The following NCAPD3 variants were observed in gnomAD, a reference collection of about 807,000 sequenced individuals.
NCAPD3 encodes the protein condensin-2 complex subunit D3.
NCAPD3 carries 105 observed loss-of-function variants against 182.9 expected under a neutral mutation model. The ratio of observed to expected loss-of-function variants is 0.57; its 90% CI spans 0.49 to 0.68. NCAPD3 has a LOEUF of 0.68. Among genes scored for constraint, NCAPD3 ranks in the 30% least tolerant of loss-of-function variants. NCAPD3 has a pLI of 0.00. For synonymous variants in NCAPD3, 815 were observed against 679.9 expected (o/e 1.20, Z -3.09); for missense variants, 1,944 against 1,837.0 (o/e 1.06, Z -1.07).
chr11:134,223,832 G>A (rs745871020), intron 1 of NCAPD3, 31 bp downstream of exon 1: 15 of 1,606,530 alleles, frequency 9.3e-6, no homozygotes, highest in African/African-American at 2.7e-5. Flanking sequence ...CCTCGCCCTG[G>A]CCCCCGGGCC....
intron 16 of NCAPD3, among the ~76,000 whole-genome samples, chr11:134,187,313 T>G (rs1223751513): frequency 6.6e-6 from 1 of 152,216 alleles, no homozygotes; most frequent in Non-Finnish European, 1.5e-5. Flanking sequence ...AATAACTAAT[T>G]GCTGATTTGA....
At chr11:134,178,527 C>G in intron 22 of NCAPD3, 107 bp downstream of exon 22, 1 of 839,836 alleles carries the variant, frequency 1.2e-6, no homozygotes, top group Non-Finnish European at 1.8e-6. Flanking sequence ...TGAGAGCAGA[C>G]ACAGACAGGC....
intron 23 of NCAPD3, among the ~76,000 whole-genome samples, chr11:134,176,641 T>C (rs923368069): frequency 1.3e-5 from 2 of 152,124 alleles, no homozygotes; most frequent in Non-Finnish European, 2.9e-5. Context: ...TATAATACGG[T>C]TCGTAATACA....
chr11:134,157,225 G>C (rs1943447223), intron 31 of NCAPD3, 130 bp from the exon 32 acceptor site: 1 of 620,970 alleles, frequency 1.6e-6, no homozygotes, highest in Middle Eastern at 2.6e-4. Flanking sequence ...TTCTTATAAA[G>C]AGGCAATTCA....
intron 6 of NCAPD3, 95 bp downstream of exon 6, chr11:134,209,050 G>T: frequency 6.9e-7 from 1 of 1,453,614 alleles, no homozygotes; most frequent in Non-Finnish European, 9.6e-7. Context: ...TTCTACCTGT[G>T]TGCCAATTGG....
rs1256522047 is a variant in NCAPD3, at chr11:134,151,118, C to G, written c.*1826G>C. The G allele has an allele frequency of 1.3e-5, 2 of 152,386 alleles. No individual in the cohort carries two copies. The highest frequency in any genetic ancestry group is 3.9e-4 in the East Asian group (2 of 5,190). The allele number at this position is 152,386 out of a possible 1,614,324, so 9.4% of individuals were successfully genotyped here. A position where few individuals can be genotyped will look rare whatever the true frequency, so the allele number is the denominator to read the frequency against. On this transcript the variant is annotated 3_prime_UTR_variant, in exon 35 of 35. Transcript: ENST00000534548. ...CTGAGAAGGAGCACTCCACTGTGTG[C>G]CTGGAGAATGGCTCTCACTACTCAC...
intron 8 of NCAPD3, among the ~76,000 whole-genome samples, chr11:134,205,920 G>A (rs1937601993): frequency 6.6e-6 from 1 of 152,100 alleles, no homozygotes; most frequent in Non-Finnish European, 1.5e-5. Context: ...TGCACACTGT[G>A]CACACCCAAG....
At chr11:134,211,398 A>G (rs1462226889) in intron 3 of NCAPD3, among the ~76,000 whole-genome samples, 1 of 152,222 alleles carries the variant, frequency 6.6e-6, no homozygotes, top group Admixed American at 6.5e-5. Flanking sequence ...CTGTAATTCC[A>G]ACACTTTGGG....
chr11:134,161,307 G>C (rs955180703), intron 28 of NCAPD3, among the ~76,000 whole-genome samples: 1 of 152,150 alleles, frequency 6.6e-6, no homozygotes, highest in Non-Finnish European at 1.5e-5. Flanking sequence ...GCTCCTCATG[G>C]TCCCCTTGCT....
At chr11:134,208,843 T>C in intron 7 of NCAPD3, 21 bp downstream of exon 7, 2 of 1,569,340 alleles carry the variant, frequency 1.3e-6, no homozygotes, top group South Asian at 1.1e-5. Flanking sequence ...AGTAACCAAA[T>C]TAGGTTCTCA....
At chr11:134,153,619 G>A (rs565432593) in intron 32 of NCAPD3, 43 of 540,130 alleles carry the variant, frequency 8.0e-5, no homozygotes, top group Non-Finnish European at 1.3e-4. Context: ...CACTGTTCAC[G>A]CCTCTGGCTT....
At position 134,158,044 on chromosome 11, in the gene NCAPD3, G is replaced by A. The variant is rs369201673; in HGVS notation, c.4058C>T (p.Ala1353Val). 1 of 1,614,140 alleles carries A rather than the reference G, an allele frequency of 6.2e-7. No homozygotes were observed. The highest frequency in any genetic ancestry group is 8.5e-7 in the Non-Finnish European group (1 of 1,180,010). Residue 1353 changes from alanine (A) to valine (V), a missense_variant, in exon 31 of 35, where the codon GCA becomes GTA. By Grantham distance (64) the Ala-to-Val change is moderately conservative. Coordinates refer to ENST00000534548, the MANE Select transcript of NCAPD3 (RefSeq NM_015261.3). ...GGCTTTCTTGACAGAATTCAGGATT[G>A]CAATGGTGCTCAGGGACATGGGCCT... ...KARPMSLSTI[A>V]ILNSVKKAVE...
intron 24 of NCAPD3, among the ~76,000 whole-genome samples, chr11:134,169,351 G>A (rs1051433100): frequency 6.6e-6 from 1 of 152,128 alleles, no homozygotes; most frequent in Non-Finnish European, 1.5e-5. Flanking sequence ...GAAAGTAATC[G>A]ACCAACTGAA....
chr11:134,158,001 C>G lies in NCAPD3; in HGVS notation c.4101G>C (p.Arg1367Ser). 1 of 1,614,180 alleles carries G rather than the reference C, an allele frequency of 6.2e-7. No individual in the cohort carries two copies. The highest frequency in any genetic ancestry group is 8.5e-7 in the Non-Finnish European group (1 of 1,180,018). ...GCACTCCTAAGCTCCGACTCCGATG[C>G]CTGCTCTTTGACTCCACGGCTTTCT... ...SVKKAVESKS[R>S]HRSRSLGVLP... The change falls in exon 31 of 35, where the codon AGG becomes AGC. Residue 1367 changes from arginine (R) to serine (S), a missense_variant. By Grantham distance (110) the Arg-to-Ser change is moderately radical. Coordinates refer to ENST00000534548, the MANE Select transcript of NCAPD3 (RefSeq NM_015261.3).
chr11:134,189,603 A>T lies in NCAPD3; in HGVS notation c.2045+3086T>A, dbSNP rs151067494. Among the ~76,000 whole-genome samples, 643 of 152,290 alleles carry T rather than the reference A, an allele frequency of 4.2e-3. 5 individuals are homozygous for T. The highest frequency in any genetic ancestry group is 0.015 in the African/African-American group (608 of 41,562). On this transcript the variant is annotated intron_variant, in intron 16 of 34. Coordinates refer to ENST00000534548, the MANE Select transcript of NCAPD3 (RefSeq NM_015261.3). ...CTACTTATTGTATAATGCTCAGAGA[A>T]CATTATCCTATTAATACAGAATTGT... is the stretch of plus-strand genomic sequence containing the variant.
chr11:134,198,189 G>C (rs1944676653), intron 13 of NCAPD3, among the ~76,000 whole-genome samples: 1 of 152,152 alleles, frequency 6.6e-6, no homozygotes, highest in Admixed American at 6.5e-5. Context: ...CAGTCTTTAA[G>C]TCTGATAAGA....
rs1943286315 is a variant in NCAPD3, at chr11:134,152,702, T to C, written c.*242A>G. The C allele has an allele frequency of 2.4e-6, 1 of 412,974 alleles. No individual in the cohort carries two copies. Among genetic ancestry groups the C allele is most frequent in the Non-Finnish European group, 4.3e-6 (1 of 234,198 alleles). The allele number at this position is 412,974 out of a possible 1,614,324, so 25.6% of individuals were successfully genotyped here. A position where few individuals can be genotyped will look rare whatever the true frequency, so the allele number is the denominator to read the frequency against. Reference sequence around the variant, plus strand: ...ACTTTCAAATGGAATAAAGTTACAATATTAAACAGATTAGGGTAAGAAAAT... The same window carrying C: ...ACTTTCAAATGGAATAAAGTTACAACATTAAACAGATTAGGGTAAGAAAAT... On this transcript the variant is annotated 3_prime_UTR_variant, in exon 35 of 35. Transcript: ENST00000534548.
intron 13 of NCAPD3, among the ~76,000 whole-genome samples, chr11:134,197,912 C>T (rs908590903): frequency 6.6e-6 from 1 of 152,186 alleles, no homozygotes; most frequent in African/African-American, 2.4e-5. Context: ...CTAAAAACCT[C>T]ACAGCTAACG....
chr11:134,192,863 AC>A lies in NCAPD3; in HGVS notation c.1870del (p.Val624TrpfsTer5). ...CTCGCAGTCCATCACCACCGGGACC[AC>A]CCCCCGCAACCAGGCTTTCTGGATC... ...VQIQKAWLRG[V>X]VPVVMDCEST... On this transcript the variant is annotated frameshift_variant, in exon 16 of 35. Transcript: ENST00000534548. LOFTEE classifies it high-confidence loss of function. 4 of 1,613,690 alleles carry A rather than the reference AC, an allele frequency of 2.5e-6. No individual in the cohort carries two copies. Among genetic ancestry groups the A allele is most frequent in the African/African-American group, 1.3e-5 (1 of 75,000 alleles).
Sources: gnomAD v4.1 joint callset for allele counts (sites outside exome capture counted in the v4.1 genomes callset) on GRCh38, gnomAD v4.1.1 for gene constraint, MANE v1.5 for transcripts, NCBI Gene and HGNC (gene_info 2026-07-23, HGNC 2026-07-21) for gene names.